RUNX1T1: variants seen among roughly 807,000 people sequenced by gnomAD.
The protein encoded by RUNX1T1 is RUNX1 partner transcriptional co-repressor 1, also known as protein CBFA2T1.
In RUNX1T1, 4 loss-of-function variants were observed where a neutral mutation model predicts 62.8. That is an observed-to-expected ratio of 0.06 (90% CI 0.03 to 0.15). The LOEUF is 0.15. RUNX1T1 is among the 10% of genes least tolerant of loss of function. RUNX1T1 has a pLI of 1.00. For synonymous variants in RUNX1T1, 291 were observed against 286.0 expected, an observed-to-expected ratio of 1.02 and a Z score of -0.18; for missense variants, 508 against 754.3, an observed-to-expected ratio of 0.67 and a Z score of 3.82.
At chr8:91,971,422 G>T (rs1432736556) in intron 9 of RUNX1T1, among the ~76,000 whole-genome samples, 1 of 152,106 alleles carries the variant, frequency 6.6e-6, no homozygotes, top group African/African-American at 2.4e-5. Flanking sequence ...GCCGAGAATG[G>T]ATTTTACACA....
chr8:92,102,538 G>A (rs1366679547), upstream of RUNX1T1, among the ~76,000 whole-genome samples: 1 of 152,078 alleles, frequency 6.6e-6, no homozygotes, highest in Non-Finnish European at 1.5e-5. This position sits in a 1 kb window ranked among gnomAD's most constrained non-coding sequence, Gnocchi z 4.5. Context: ...AAACCCACTC[G>A]TCATCTTCCT....
chr8:92,090,157 A>G (rs1462596247), intron 1 of RUNX1T1, among the ~76,000 whole-genome samples: 1 of 151,106 alleles, frequency 6.6e-6, no homozygotes, highest in Non-Finnish European at 1.5e-5. Context: ...CAGTTTGCCT[A>G]TTAGTCAAGC....
intron 1 of RUNX1T1, among the ~76,000 whole-genome samples, chr8:92,026,227 A>C (rs1179357212): frequency 3.3e-5 from 5 of 152,230 alleles, no homozygotes; most frequent in Admixed American, 2.0e-4. Flanking sequence ...AACAACAACA[A>C]AACCCTATTA....
At chr8:92,053,877 A>G (rs1830604709) in intron 1 of RUNX1T1, among the ~76,000 whole-genome samples, 2 of 152,216 alleles carry the variant, frequency 1.3e-5, no homozygotes, top group Admixed American at 1.3e-4. Context: ...AGATCTGAAC[A>G]TAAATGGCAG....
intron 1 of RUNX1T1, among the ~76,000 whole-genome samples, chr8:92,098,999 G>A (rs1837917335): frequency 6.6e-6 from 1 of 152,246 alleles, no homozygotes; most frequent in Non-Finnish European, 1.5e-5. Context: ...AAGTGAAGTT[G>A]GAAGGTGTCT....
intron 5 of RUNX1T1, chr8:91,994,455 G>A (rs1818292550): frequency 9.9e-6 from 3 of 304,114 alleles, no homozygotes; most frequent in African/African-American, 4.3e-5. Context: ...GACTATTAGT[G>A]GCTATGAACG....
intron 3 of RUNX1T1, among the ~76,000 whole-genome samples, chr8:92,014,304 T>C (rs1822570183): frequency 1.4e-5 from 2 of 145,082 alleles, no homozygotes; most frequent in African/African-American, 2.6e-5. Context: ...CACACACACA[T>C]TTATATATAT....
rs1051309486 is a variant in RUNX1T1 at position 92,084,260 on chromosome 8, A to T, written c.-85-8123T>A. Reference sequence around the variant, plus strand: ...TTAAAGTATAATAAAAATAAAAATAAAAATAAAAGATGGGGTGTTTTGTTT... The same window carrying T: ...TTAAAGTATAATAAAAATAAAAATATAAATAAAAGATGGGGTGTTTTGTTT... On this transcript the variant is annotated intron_variant, in intron 1 of 11. Coordinates refer to the RUNX1T1 transcript ENST00000265814. 2.8e-5 allele frequency among the ~76,000 whole-genome samples: 4 copies of T among 142,792 alleles called. No homozygotes were observed. The Admixed American group carries it at 2.8e-4, about 10-fold the overall frequency. The allele number at this position is 142,792 out of a possible 152,430, so 93.7% of individuals were successfully genotyped here. A position where few individuals can be genotyped will look rare whatever the true frequency, so the allele number is the denominator to read the frequency against.
chr8:92,083,248 A>G (rs1835556389), intron 1 of RUNX1T1, among the ~76,000 whole-genome samples: 1 of 152,210 alleles, frequency 6.6e-6, no homozygotes, highest in South Asian at 2.1e-4. Context: ...AACTTGACAA[A>G]TGGGATCTAA....
chr8:92,075,551 C>T (rs1834294169), intron 2 of RUNX1T1, among the ~76,000 whole-genome samples: 1 of 152,070 alleles, frequency 6.6e-6, no homozygotes, highest in Non-Finnish European at 1.5e-5. Context: ...AGTTTTTTGC[C>T]TATTTAGTCA....
chr8:91,974,027 T>C (rs1813393950), intron 9 of RUNX1T1, among the ~76,000 whole-genome samples: 1 of 152,016 alleles, frequency 6.6e-6, no homozygotes, highest in Non-Finnish European at 1.5e-5. Context: ...GTTTAACCCT[T>C]CTTGGAGAGG....
chr8:92,046,454 C>A (rs1390257292), intron 1 of RUNX1T1, among the ~76,000 whole-genome samples: 1 of 152,192 alleles, frequency 6.6e-6, no homozygotes, highest in Non-Finnish European at 1.5e-5. Flanking sequence ...ACGTCCATCT[C>A]CCAGGATCCA....
exon 9 of RUNX1T1, chr8:91,975,930 C>T (rs369212034): frequency 3.0e-5 from 48 of 1,613,058 alleles, no homozygotes; most frequent in Non-Finnish European, 3.6e-5. Flanking sequence ...TCTCCTCTGG[C>T]ACGTATCCAG....
chr8:92,077,747 G>A (rs951382286), intron 1 of RUNX1T1, among the ~76,000 whole-genome samples: 2 of 152,048 alleles, frequency 1.3e-5, no homozygotes, highest in African/African-American at 4.8e-5. Context: ...AATCTCTACT[G>A]AGCAAACGAA....
chr8:92,051,846 A>G (rs1457079029), intron 1 of RUNX1T1, among the ~76,000 whole-genome samples: 2 of 151,972 alleles, frequency 1.3e-5, no homozygotes, highest in African/African-American at 4.8e-5. Flanking sequence ...TAGGCAGTAC[A>G]TGTCCCATCA....
chr8:92,081,180 T>C (rs112247073), intron 1 of RUNX1T1: 5,834 of 501,578 alleles, frequency 0.012, 283 homozygotes, highest in African/African-American at 0.11. Flanking sequence ...AGTAAGATAA[T>C]AACACCTAAC....
upstream of RUNX1T1, among the ~76,000 whole-genome samples, chr8:92,100,866 T>C (rs910150310): frequency 1.3e-5 from 2 of 152,246 alleles, no homozygotes; most frequent in Non-Finnish European, 2.9e-5. Flanking sequence ...GTTGGGGCTA[T>C]GTTAGTTTAA....
chr8:91,982,212 G>C (rs978178223), intron 8 of RUNX1T1, among the ~76,000 whole-genome samples: 4 of 141,220 alleles, frequency 2.8e-5, no homozygotes, highest in Admixed American at 7.4e-5. Flanking sequence ...ACTCCACCCT[G>C]AGCAACAAAG....
intron 5 of RUNX1T1, among the ~76,000 whole-genome samples, chr8:92,003,898 T>C (rs1820230133): frequency 6.6e-6 from 1 of 152,224 alleles, no homozygotes; most frequent in African/African-American, 2.4e-5. Context: ...AGGCCTACAA[T>C]ACGTCAAAAG....
Sources: gnomAD v4.1 joint callset for allele counts (sites outside exome capture counted in the v4.1 genomes callset) on GRCh38, gnomAD v4.1.1 for gene constraint, Gnocchi (gnomAD v3.1) non-coding constraint, MANE v1.5 for transcripts, NCBI Gene and HGNC (gene_info 2026-07-23, HGNC 2026-07-21) for gene names.